CCDC91: variants seen among roughly 807,000 people sequenced by gnomAD.
The protein encoded by CCDC91 is coiled-coil domain-containing protein 91.
In CCDC91, 48 loss-of-function variants were observed where a neutral mutation model predicts 63.2. The observed-to-expected ratio is 0.76, with a 90% CI of 0.60 to 0.97. CCDC91 has a LOEUF of 0.97. Ranked by LOEUF, CCDC91 falls within the 50% of genes least tolerant of loss-of-function variation. The pLI is 0.00. For synonymous variants in CCDC91, 167 were observed against 165.8 expected (o/e 1.01, Z -0.06); for missense variants, 500 against 494.6 (o/e 1.01, Z -0.10).
At chr12:28,497,602 A>G (rs1952374777) in intron 12 of CCDC91, among the ~76,000 whole-genome samples, 1 of 151,656 alleles carries the variant, frequency 6.6e-6, no homozygotes, top group East Asian at 2.0e-4. Flanking sequence ...TTGAAGTAAA[A>G]TATTCCAGGA....
chr12:28,256,056 A>G (rs1477732473), intron 1 of CCDC91: 3 of 152,206 alleles, frequency 2.0e-5, no homozygotes, highest in Non-Finnish European at 2.9e-5. Context: ...TACTGAGTCA[A>G]GGAAACTATA....
intron 8 of CCDC91, among the ~76,000 whole-genome samples, chr12:28,424,757 A>G (rs954632118): frequency 1.3e-5 from 2 of 152,168 alleles, no homozygotes; most frequent in African/African-American, 4.8e-5. Flanking sequence ...CCGAATTTTC[A>G]TGTAATCCAA....
At chr12:28,238,129 A>AAAG (rs1222505029) in intron 1 of CCDC91, among the ~76,000 whole-genome samples, 3 of 152,234 alleles carry the variant, frequency 2.0e-5, no homozygotes, top group Admixed American at 2.0e-4. Flanking sequence ...ACATGAATGG[A>AAAG]AAGATATACC....
rs73265445 is a variant in CCDC91, at chr12:28,495,624, C to T, written c.1215+11459C>T. ...TTCACAGACACTGACTTTTACCTTT[C>T]GAGGAGCAATGTTACAGAGCAATTG... On this transcript the variant is annotated intron_variant, in intron 12 of 12. Coordinates refer to ENST00000536442, the MANE Select transcript of CCDC91 (RefSeq NM_018318.5). Among the ~76,000 whole-genome samples, 545 of 151,802 alleles carry T rather than the reference C, an allele frequency of 3.6e-3. 2 individuals carry two copies. The highest frequency in any genetic ancestry group is 0.012 in the African/African-American group (517 of 41,474).
chr12:28,210,009 A>G (rs990079153), intron 1 of CCDC91, among the ~76,000 whole-genome samples: 1 of 152,216 alleles, frequency 6.6e-6, no homozygotes, highest in Non-Finnish European at 1.5e-5. Context: ...ACCATCTACA[A>G]CATGCTTGTA....
intron 8 of CCDC91, among the ~76,000 whole-genome samples, chr12:28,415,553 A>G (rs1256756529): frequency 1.3e-5 from 2 of 152,204 alleles, no homozygotes; most frequent in Non-Finnish European, 2.9e-5. Flanking sequence ...AGTTAAAAGC[A>G]AGTCTTGTTA....
intron 12 of CCDC91, among the ~76,000 whole-genome samples, chr12:28,516,041 G>T (rs1478941976): frequency 6.6e-6 from 1 of 151,976 alleles, no homozygotes; most frequent in African/African-American, 2.4e-5. Context: ...TTTAAGAAGA[G>T]AATAGTCTTC....
At chr12:28,280,157 CT>C (rs1285100785) in intron 3 of CCDC91, among the ~76,000 whole-genome samples, 1 of 152,016 alleles carries the variant, frequency 6.6e-6, no homozygotes, top group Non-Finnish European at 1.5e-5. Flanking sequence ...TTCTTTTCTC[CT>C]GTATTTGATC....
intron 3 of CCDC91, among the ~76,000 whole-genome samples, chr12:28,273,242 C>T (rs1239056051): frequency 5.9e-5 from 9 of 152,066 alleles, no homozygotes; most frequent in African/African-American, 1.4e-4. Context: ...TCTATCATTG[C>T]TGGACATTTG....
At chr12:28,238,303 A>T (rs917179387) in intron 1 of CCDC91, among the ~76,000 whole-genome samples, 12 of 152,186 alleles carry the variant, frequency 7.9e-5, no homozygotes, top group Non-Finnish European at 1.3e-4. Flanking sequence ...ACAACATATT[A>T]AAAGATGTTC....
At chr12:28,224,842 G>C (rs576218207) in intron 1 of CCDC91, among the ~76,000 whole-genome samples, 33 of 152,254 alleles carry the variant, frequency 2.2e-4, no homozygotes, top group African/African-American at 7.9e-4. Context: ...TTTAGGAATT[G>C]GCTAGCGCAG....
intron 1 of CCDC91, among the ~76,000 whole-genome samples, chr12:28,205,507 A>G (rs1942778144): frequency 1.3e-5 from 2 of 152,224 alleles, no homozygotes; most frequent in African/African-American, 2.4e-5. Context: ...AAAGGAGTTT[A>G]ATTGAGCAAT....
At chr12:28,441,076 A>AG (rs1565977526) in intron 8 of CCDC91, among the ~76,000 whole-genome samples, 11 of 20,716 alleles carry the variant, frequency 5.3e-4, no homozygotes, top group Non-Finnish European at 2.2e-4. Flanking sequence ...AAAAAAAAAA[A>AG]AAAAAAAAGA....
intron 12 of CCDC91, among the ~76,000 whole-genome samples, chr12:28,491,532 C>CAGA (rs997044879): frequency 2.6e-5 from 4 of 151,650 alleles, no homozygotes; most frequent in African/African-American, 9.7e-5. Flanking sequence ...AACAGAATTC[C>CAGA]AGAAGATCAC....
intron 8 of CCDC91, among the ~76,000 whole-genome samples, chr12:28,415,051 T>A (rs1453498911): frequency 1.3e-5 from 2 of 152,208 alleles, no homozygotes; most frequent in African/African-American, 4.8e-5. Context: ...CTCTAGGGTT[T>A]TAAATATAAT....
At chr12:28,199,841 AGTTGCTTCTCTCTT>A (rs1446939718) in intron 1 of CCDC91, among the ~76,000 whole-genome samples, 1 of 152,126 alleles carries the variant, frequency 6.6e-6, no homozygotes, top group East Asian at 1.9e-4. Flanking sequence ...ATTTTTGATG[AGTTGCTTCTCTCTT>A]GTTGCTTTCA....
intron 12 of CCDC91, among the ~76,000 whole-genome samples, chr12:28,539,864 A>T (rs1942498421): frequency 6.6e-6 from 1 of 152,104 alleles, no homozygotes; most frequent in Admixed American, 6.6e-5. Context: ...TTAAGACTTC[A>T]GTGATTCATC....
At chr12:28,481,294 A>G (rs1488677435) in intron 11 of CCDC91, among the ~76,000 whole-genome samples, 2 of 151,982 alleles carry the variant, frequency 1.3e-5, no homozygotes, top group Non-Finnish European at 1.5e-5. Context: ...TAGTGGGTAG[A>G]TACTCGGTAT....
chr12:28,481,120 G>A (rs1256884521), intron 11 of CCDC91, among the ~76,000 whole-genome samples: 1 of 151,976 alleles, frequency 6.6e-6, no homozygotes, highest in Admixed American at 6.6e-5. Flanking sequence ...TTGAACACTA[G>A]TTAGATAATC....
Sources: gnomAD v4.1 joint callset for allele counts (sites outside exome capture counted in the v4.1 genomes callset) on GRCh38, gnomAD v4.1.1 for gene constraint, MANE v1.5 for transcripts, NCBI Gene and HGNC (gene_info 2026-07-23, HGNC 2026-07-21) for gene names.